ANKRD26: variants seen among roughly 807,000 people sequenced by gnomAD.
ANKRD26 encodes the protein ankyrin repeat domain 26.
A neutral mutation model predicts 208.7 loss-of-function variants in ANKRD26; 141 were observed. That is an observed-to-expected ratio of 0.68 (90% confidence interval 0.59 to 0.78). The LOEUF is 0.78. ANKRD26 is among the 30% of genes least tolerant of loss of function. The probability of loss-of-function intolerance (pLI) is 0.00; values close to 1 mark genes in which losing one functional copy is unlikely to be tolerated. For missense variants in ANKRD26, 1,889 were observed against 1,938.7 expected, an observed-to-expected ratio of 0.97 and a Z score of 0.48; for synonymous variants, 636 against 660.4, an observed-to-expected ratio of 0.96 and a Z score of 0.57.
chr10:26,958,289 T>C, the ANKRD26 span, among the ~76,000 whole-genome samples: 1 of 152,082 alleles, frequency 6.6e-6, no homozygotes, highest in African/African-American at 2.4e-5. Flanking sequence ...TTTCACCATG[T>C]TGGCTAGCCT....
the ANKRD26 span, among the ~76,000 whole-genome samples, chr10:26,952,181 TA>T: frequency 6.6e-6 from 1 of 152,096 alleles, no homozygotes; most frequent in Non-Finnish European, 1.5e-5. Flanking sequence ...GGAACTGCAA[TA>T]AAGCCTCTTT....
chr10:27,096,227 A>G (rs2056461412), intron 1 of ANKRD26, among the ~76,000 whole-genome samples: 1 of 152,132 alleles, frequency 6.6e-6, no homozygotes, highest in South Asian at 2.1e-4. Context: ...GCAACTTTCC[A>G]TCTTCCCTGA....
At chr10:26,981,755 T>G (rs2052312037) in intron 4 of ANKRD26, among the ~76,000 whole-genome samples, 1 of 152,194 alleles carries the variant, frequency 6.6e-6, no homozygotes, top group South Asian at 2.1e-4. Flanking sequence ...CCTTTGAATT[T>G]AACCAATTCA....
intron 32 of ANKRD26, 24 bp downstream of exon 32, chr10:27,012,858 A>C: frequency 6.3e-7 from 1 of 1,596,600 alleles, no homozygotes; most frequent in Admixed American, 1.7e-5. Flanking sequence ...TGAAACCCAA[A>C]GGAAAAAAGA....
At chr10:26,968,219 G>A in the ANKRD26 span, among the ~76,000 whole-genome samples, 1 of 152,038 alleles carries the variant, frequency 6.6e-6, no homozygotes, top group Admixed American at 6.6e-5. Flanking sequence ...ACTCAACCTG[G>A]GTTTTTTTAC....
chr10:27,088,214 T>C (rs961691893), intron 4 of ANKRD26: 2 of 152,210 alleles, frequency 1.3e-5, no homozygotes, highest in African/African-American at 4.8e-5. Flanking sequence ...CAGATCACCT[T>C]ACATGAATAT....
In ANKRD26 at chr10:27,046,470, C is replaced by A. The variant is rs28477279; in HGVS notation, c.1868G>T (p.Arg623Leu). Residue 623 changes from arginine (R) to leucine (L), a missense_variant, in exon 18 of 34, where the codon CGG becomes CTG. Transcript: ENST00000376087. ...KEVKSTEKEK[R>L]TSKESVNSPV... The stretch of plus-strand genomic sequence containing the variant: ...TGAATTCACAGATTCTTTCGAGGTC[C>A]GTTTTTCTTTTTCAGTGCTCTTTAC... The A allele has an allele frequency of 1.7e-5, 27 of 1,613,944 alleles. No homozygotes were observed. The highest frequency in any genetic ancestry group is 2.2e-5 in the Non-Finnish European group (26 of 1,179,994).
intron 1 of ANKRD26, 101 bp downstream of exon 1, chr10:27,099,984 C>T (rs1380104152): frequency 1.9e-6 from 3 of 1,581,748 alleles, no homozygotes; most frequent in South Asian, 2.2e-5. Flanking sequence ...ACGGAGCCCG[C>T]GGGAGGCTGA....
chr10:26,951,003 C>CTTTTTTTTTTTTTTT, the ANKRD26 span, among the ~76,000 whole-genome samples: 1 of 78,264 alleles, frequency 1.3e-5, no homozygotes, highest in African/African-American at 6.3e-5. Flanking sequence ...TTTCTTTTTT[C>CTTTTTTTTTTTTTTT]TTTTCTTTTC....
chr10:26,985,581 G>A (rs1458820269), intron 3 of ANKRD26, among the ~76,000 whole-genome samples: 1 of 152,126 alleles, frequency 6.6e-6, no homozygotes, highest in Non-Finnish European at 1.5e-5. Context: ...TCTTTTAGCT[G>A]TAGCATCAGC....
intron 9 of ANKRD26, among the ~76,000 whole-genome samples, chr10:27,071,693 G>A (rs1208932678): frequency 6.6e-6 from 1 of 152,074 alleles, no homozygotes; most frequent in African/African-American, 2.4e-5. Flanking sequence ...AGAACAGGCG[G>A]GCAGCAGTGT....
intron 27 of ANKRD26, among the ~76,000 whole-genome samples, chr10:27,027,050 T>C (rs143511580): frequency 6.6e-6 from 1 of 152,178 alleles, no homozygotes; most frequent in Admixed American, 6.5e-5. Context: ...CCTCCCAAAG[T>C]GCTGGGCATG....
rs546779020 is a variant in ANKRD26, at chr10:27,051,543, TA to T, written c.1635+1776del. ...TACTTTTTTATTTTCTGTATCATTA[TA>T]AAAATTCTCATCTGTGTTAAAAACA... On this transcript the variant is annotated intron_variant, in intron 16 of 33. Transcript: ENST00000376087. 1.4e-4 allele frequency: 134 copies of T among 985,068 alleles called. No homozygotes were observed. In the African/African-American group the frequency reaches 2.2e-3, roughly 16 times the overall value. The allele number at this position is 985,068 out of a possible 1,614,324, so 61.0% of individuals were successfully genotyped here.
At chr10:27,013,465 T>C (rs1220388309) in intron 31 of ANKRD26, among the ~76,000 whole-genome samples, 1 of 152,206 alleles carries the variant, frequency 6.6e-6, no homozygotes, top group Non-Finnish European at 1.5e-5. Flanking sequence ...AATACTTGTC[T>C]TTAAAGGGTA....
At chr10:27,002,098 A>T (rs2052738252), downstream of ANKRD26, among the ~76,000 whole-genome samples, 2 of 152,134 alleles carry the variant, frequency 1.3e-5, no homozygotes, top group African/African-American at 4.8e-5. Context: ...CTGAGGCAGA[A>T]GCATCAGCAT....
chr10:26,970,880 G>T (rs115586500), downstream of ANKRD26, among the ~76,000 whole-genome samples: 1,743 of 152,290 alleles, frequency 0.011, 33 homozygotes, highest in African/African-American at 0.04. Context: ...TGAGGAAAGA[G>T]GAAGTAAGGG....
intron 29 of ANKRD26, among the ~76,000 whole-genome samples, chr10:27,021,567 T>C (rs1274445796): frequency 6.6e-6 from 1 of 152,224 alleles, no homozygotes; most frequent in African/African-American, 2.4e-5. Context: ...TCCGTATACC[T>C]TTTGGTCATT....
intron 4 of ANKRD26, among the ~76,000 whole-genome samples, chr10:26,981,657 G>A (rs183687181): frequency 3.6e-4 from 55 of 152,268 alleles, no homozygotes; most frequent in Admixed American, 7.2e-4. Flanking sequence ...TATACCCAGC[G>A]GGAGTTTCTA....
chr10:27,017,858 C>A, intron 29 of ANKRD26, 66 bp from the exon 30 acceptor site: 1 of 1,454,592 alleles, frequency 6.9e-7, no homozygotes, highest in Non-Finnish European at 9.4e-7. Context: ...TAACATAAAA[C>A]CAAGAACAAA....
Sources: gnomAD v4.1 joint callset for allele counts (sites outside exome capture counted in the v4.1 genomes callset) on GRCh38, gnomAD v4.1.1 for gene constraint, MANE v1.5 for transcripts, NCBI Gene and HGNC (gene_info 2026-07-23, HGNC 2026-07-21) for gene names.